ANKRD22: variants seen among roughly 807,000 people sequenced by gnomAD.
ANKRD22 encodes ankyrin repeat domain 22.
Under a neutral mutation model 25.7 loss-of-function variants are expected in ANKRD22, and 24 were observed. That is an observed-to-expected ratio of 0.93 (90% CI 0.68 to 1.31). The LOEUF (loss-of-function observed/expected upper bound fraction) is 1.31. ANKRD22 is among the 50% of genes most tolerant of loss of function. ANKRD22 has a pLI of 0.00. For synonymous variants in ANKRD22, 84 were observed against 84.3 expected, an observed-to-expected ratio of 1.00 and a Z score of 0.02; for missense variants, 214 against 227.1, an observed-to-expected ratio of 0.94 and a Z score of 0.37.
At position 88,831,782 on chromosome 10, in the gene ANKRD22, G is replaced by T. The variant is rs946233883; in HGVS notation, c.213+53C>A. 24 of 1,485,436 alleles carry T rather than the reference G, an allele frequency of 1.6e-5. No individual in the cohort carries two copies. The Admixed American group carries it at 5.0e-4, about 31-fold the overall frequency. The allele number at this position is 1,485,436 out of a possible 1,614,324, so 92.0% of individuals were successfully genotyped here. A position where few individuals can be genotyped will look rare whatever the true frequency, so the allele number is the denominator to read the frequency against. ...CATGCACCACTTCTAGTGATTCAAA[G>T]AGAAAAGAATTATCATGAACAATTA... On this transcript the variant is annotated intron_variant, in intron 2 of 5. Coordinates refer to ENST00000371930, the MANE Select transcript of ANKRD22 (RefSeq NM_144590.3).
intron 5 of ANKRD22, 123 bp from the exon 6 acceptor site, chr10:88,823,141 G>T: frequency 8.1e-7 from 1 of 1,232,474 alleles, no homozygotes; most frequent in Non-Finnish European, 1.2e-6. Context: ...AATAGTAATA[G>T]GATAACTTCA....
intron 2 of ANKRD22, 106 bp from the exon 3 acceptor site, chr10:88,828,772 C>T: frequency 2.6e-6 from 2 of 766,586 alleles, no homozygotes; most frequent in South Asian, 1.8e-5. Flanking sequence ...TTTTCCGGTA[C>T]CCATGGCATC....
At chr10:88,842,996 G>T (rs190960605) in intron 1 of ANKRD22, among the ~76,000 whole-genome samples, 5 of 152,024 alleles carry the variant, frequency 3.3e-5, no homozygotes, top group African/African-American at 7.2e-5. Flanking sequence ...TTCCTCTCTG[G>T]TCCTTCATTC....
At chr10:88,839,669 C>T (rs1056530670) in intron 1 of ANKRD22, among the ~76,000 whole-genome samples, 8 of 152,090 alleles carry the variant, frequency 5.3e-5, no homozygotes, top group Admixed American at 3.9e-4. Flanking sequence ...AGTTAGGCTT[C>T]CATAAGGTCA....
In ANKRD22 at chr10:88,851,593, G is replaced by A; in HGVS notation, c.15C>T (p.Tyr5=). 3 of 1,613,438 alleles carry A rather than the reference G, an allele frequency of 1.9e-6. No homozygotes were observed. The highest frequency in any genetic ancestry group is 2.2e-5 in the South Asian group (2 of 91,064). Residue 5 remains tyrosine (Y), a synonymous_variant, in exon 1 of 6, where the codon TAC becomes TAT. Transcript: ENST00000371930. MGIL[Y]SEPICQAAYQ... ...TTTCAGAAAGGTGATGTACCTCAGA[G>A]TATAGGATTCCCATGCTGGTCCTTC... is the stretch of plus-strand genomic sequence containing the variant.
intron 4 of ANKRD22, among the ~76,000 whole-genome samples, chr10:88,824,318 G>A (rs991850692): frequency 3.3e-5 from 5 of 152,204 alleles, no homozygotes; most frequent in African/African-American, 9.7e-5. Flanking sequence ...AAGCAACCAT[G>A]GTGCTGGTGA....
intron 3 of ANKRD22, 55 bp downstream of exon 3, chr10:88,828,504 G>A: frequency 7.7e-7 from 1 of 1,296,672 alleles, no homozygotes; most frequent in Non-Finnish European, 1.1e-6. Context: ...AAGAGTCAAT[G>A]AGTCACACCA....
Position 88,829,365 on chromosome 10 carries a change from C to T in ANKRD22, c.214-699G>A, listed in dbSNP as rs181204871. Among the ~76,000 whole-genome samples the T allele has an allele frequency of 2.0e-4, 31 of 152,336 alleles. No homozygotes were observed. The Middle Eastern group carries it at 0.01, about 50-fold the overall frequency. ...GGTTAGTTTCCACTTATGCAAGGCA[C>T]TGTACCTAAATAAGAACACTTTTTG... On this transcript the variant is annotated intron_variant, in intron 2 of 5. Coordinates refer to ENST00000371930, the MANE Select transcript of ANKRD22 (RefSeq NM_144590.3).
chr10:88,830,522 C>T (rs148419484), intron 2 of ANKRD22, among the ~76,000 whole-genome samples: 28 of 152,190 alleles, frequency 1.8e-4, no homozygotes, highest in African/African-American at 6.5e-4. Context: ...TATTAATGTA[C>T]AAATATTAAT....
chr10:88,823,474 G>T, intron 4 of ANKRD22, 96 bp from the exon 5 acceptor site: 2 of 885,518 alleles, frequency 2.3e-6, no homozygotes, highest in Non-Finnish European at 3.7e-6. Context: ...ACACTTTGTA[G>T]TATACAACTA....
chr10:88,844,174 A>G (rs1844027752), intron 1 of ANKRD22, among the ~76,000 whole-genome samples: 1 of 152,124 alleles, frequency 6.6e-6, no homozygotes, highest in Non-Finnish European at 1.5e-5. Context: ...AGGGAATCCA[A>G]CTGTCAAGCC....
intron 1 of ANKRD22, among the ~76,000 whole-genome samples, chr10:88,833,760 A>C (rs773983610): frequency 6.6e-6 from 1 of 152,228 alleles, no homozygotes; most frequent in African/African-American, 2.4e-5. Flanking sequence ...GAAATGCACA[A>C]TTTCACAAAT....
Position 88,820,628 on chromosome 10 carries a change from C to G in ANKRD22, c.*2313G>C. 1 of 876,660 alleles carries G rather than the reference C, an allele frequency of 1.1e-6. No individual in the cohort carries two copies. The highest frequency in any genetic ancestry group is 1.9e-5 in the South Asian group (1 of 52,654). The allele number at this position is 876,660 out of a possible 1,614,324, so 54.3% of individuals were successfully genotyped here. A position where few individuals can be genotyped will look rare whatever the true frequency, so the allele number is the denominator to read the frequency against. ...GATTCCCTGCACTTGGCACTAAATC[C>G]GACACTTACATTTACATTTTTTTTC... On this transcript the variant is annotated 3_prime_UTR_variant, in exon 6 of 6. Transcript: ENST00000371930.
Position 88,828,624 on chromosome 10 carries a change from T to A in ANKRD22, c.256A>T (p.Thr86Ser). 6.2e-6 allele frequency: 10 copies of A among 1,610,400 alleles called. No homozygotes were observed. Among genetic ancestry groups the A allele is most frequent in the Non-Finnish European group, 8.5e-6 (10 of 1,178,046 alleles). The change falls in exon 3 of 6, where the codon ACC becomes TCC. Residue 86 changes from threonine to serine, a missense_variant. Thr to Ser is a moderately conservative substitution (Grantham distance 58). Transcript: ENST00000371930. ...CLHYAVKKKF[T>S]FIDYLLIILL... ...ATAATTAGTAGATAATCAATGAAGGTAAATTTTTTCTTCACAGCATAATGC... is the reference window on the plus strand; with the variant it reads ...ATAATTAGTAGATAATCAATGAAGGAAAATTTTTTCTTCACAGCATAATGC...
At chr10:88,830,604 T>A (rs1843894496) in intron 2 of ANKRD22, among the ~76,000 whole-genome samples, 1 of 152,190 alleles carries the variant, frequency 6.6e-6, no homozygotes, top group African/African-American at 2.4e-5. Flanking sequence ...AACCAAAAAC[T>A]TCTACTGATA....
chr10:88,839,625 TGTA>T (rs1349812680), intron 1 of ANKRD22, among the ~76,000 whole-genome samples: 1 of 152,152 alleles, frequency 6.6e-6, no homozygotes, highest in Non-Finnish European at 1.5e-5. Context: ...GTGGGTTAAA[TGTA>T]GTCTCCTTAA....
At chr10:88,832,130 A>G (rs1273997737) in intron 1 of ANKRD22, 104 bp from the exon 2 acceptor site, 1 of 1,247,280 alleles carries the variant, frequency 8.0e-7, no homozygotes, top group Non-Finnish European at 1.1e-6. Flanking sequence ...AAATGTTTTA[A>G]AATTGTAATA....
intron 1 of ANKRD22, among the ~76,000 whole-genome samples, chr10:88,841,693 AAACTT>A (rs1278819625): frequency 6.6e-6 from 1 of 152,180 alleles, no homozygotes; most frequent in Non-Finnish European, 1.5e-5. Flanking sequence ...AACATAAGCA[AAACTT>A]AACTTCAGCT....
At chr10:88,846,771 A>G (rs983978830) in intron 1 of ANKRD22, among the ~76,000 whole-genome samples, 33 of 152,100 alleles carry the variant, frequency 2.2e-4, no homozygotes, top group African/African-American at 7.5e-4. Context: ...ATTGCCCACA[A>G]GGCCTGTCTC....
Sources: allele counts gnomAD v4.1 joint callset (sites outside exome capture counted in the v4.1 genomes callset), GRCh38; gene constraint gnomAD v4.1.1; transcripts MANE v1.5; gene names NCBI Gene and HGNC (gene_info 2026-07-23, HGNC 2026-07-21).